Variants in NRXN1 observed in about 807,000 individuals in gnomAD.
The protein encoded by NRXN1 is neurexin-1.
NRXN1 carries 39 observed loss-of-function variants against 150.9 expected under a neutral mutation model. That is an observed-to-expected ratio of 0.26 (90% confidence interval 0.20 to 0.34). The LOEUF is 0.34. Ranked by LOEUF, NRXN1 falls within the 10% of genes least tolerant of loss-of-function variation. The pLI, the probability that NRXN1 is intolerant of heterozygous loss-of-function variation, is 1.00. For missense variants in NRXN1, 1,815 were observed against 1,949.9 expected (o/e 0.93, Z 1.30); for synonymous variants, 924 against 757.0 (o/e 1.22, Z -3.62).
chr2:50,018,399 A>C (rs1014193253), intron 21 of NRXN1, among the ~76,000 whole-genome samples: 1 of 152,200 alleles, frequency 6.6e-6, no homozygotes, highest in Non-Finnish European at 1.5e-5. Context: ...GACTTCTTTT[A>C]GAATGGGGGA....
chr2:49,927,840 G>C (rs1240381751), intron 22 of NRXN1, among the ~76,000 whole-genome samples: 1 of 152,008 alleles, frequency 6.6e-6, no homozygotes, highest in Non-Finnish European at 1.5e-5. Context: ...TTGTATACTT[G>C]AATGAGCTGT....
At chr2:50,370,087 T>C (rs970681538) in intron 17 of NRXN1, among the ~76,000 whole-genome samples, 5 of 152,070 alleles carry the variant, frequency 3.3e-5, no homozygotes, top group African/African-American at 1.2e-4. Context: ...CTATACTCTC[T>C]TCAGTTGTTT....
intron 5 of NRXN1, among the ~76,000 whole-genome samples, chr2:50,677,647 T>A (rs1023753691): frequency 3.9e-5 from 6 of 152,152 alleles, no homozygotes; most frequent in African/African-American, 9.7e-5. Flanking sequence ...CTTCTGGGAA[T>A]GTATTCTCTA....
At chr2:50,647,154 T>C (rs1301318099) in intron 5 of NRXN1, among the ~76,000 whole-genome samples, 2 of 151,864 alleles carry the variant, frequency 1.3e-5, no homozygotes, top group African/African-American at 4.8e-5. Flanking sequence ...ATTTTAGACT[T>C]GTTGTTTAGG....
chr2:50,128,909 G>A (rs1705026586), intron 18 of NRXN1, among the ~76,000 whole-genome samples: 1 of 149,420 alleles, frequency 6.7e-6, no homozygotes, highest in Non-Finnish European at 1.5e-5. Context: ...CTTGAACCTG[G>A]GAGGTGCAGG....
At chr2:50,827,997 G>T (rs1407793096) in intron 5 of NRXN1, among the ~76,000 whole-genome samples, 1 of 147,676 alleles carries the variant, frequency 6.8e-6, no homozygotes, top group African/African-American at 2.5e-5. Flanking sequence ...AGTCTCCCAC[G>T]TCTACTTCTT....
At chr2:50,842,357 G>A (rs1673000502) in intron 5 of NRXN1, among the ~76,000 whole-genome samples, 1 of 152,126 alleles carries the variant, frequency 6.6e-6, no homozygotes, top group African/African-American at 2.4e-5. Flanking sequence ...TGTGTCTTAG[G>A]CAATTTCTTA....
In NRXN1 at chr2:50,673,474, C is replaced by T. The variant is rs182422038; in HGVS notation, c.833-49859G>A. Reference sequence around the variant, plus strand: ...TTCAGGTAGAAACAAATGTAAAAACCCAATGATTCCCCCATTCTATGCAGA... The same window carrying T: ...TTCAGGTAGAAACAAATGTAAAAACTCAATGATTCCCCCATTCTATGCAGA... On this transcript the variant is annotated intron_variant, in intron 5 of 22. Coordinates refer to ENST00000401669, the MANE Select transcript of NRXN1 (RefSeq NM_001330078.2). 2.3e-3 allele frequency among the ~76,000 whole-genome samples: 357 copies of T among 151,932 alleles called. 2 individuals are homozygous for T. The highest frequency in any genetic ancestry group is 8.0e-3 in the African/African-American group (333 of 41,462).
At chr2:50,049,651 C>T (rs930104786) in intron 21 of NRXN1, among the ~76,000 whole-genome samples, 9 of 152,068 alleles carry the variant, frequency 5.9e-5, no homozygotes, top group Admixed American at 4.6e-4. Flanking sequence ...CAAGCTTGAT[C>T]GTAAAAGAAA....
At chr2:50,629,230 A>G (rs1418945016) in intron 5 of NRXN1, among the ~76,000 whole-genome samples, 1 of 151,748 alleles carries the variant, frequency 6.6e-6, no homozygotes, top group African/African-American at 2.4e-5. Context: ...ATAACAACCA[A>G]TAATAGAATG....
At chr2:49,988,451 G>C (rs1452269046) in intron 21 of NRXN1, among the ~76,000 whole-genome samples, 1 of 152,026 alleles carries the variant, frequency 6.6e-6, no homozygotes, top group Non-Finnish European at 1.5e-5. Flanking sequence ...TGAGTCATAG[G>C]ACAGCAGATA....
At chr2:49,967,642 A>G (rs1402066793) in intron 21 of NRXN1, among the ~76,000 whole-genome samples, 2 of 152,126 alleles carry the variant, frequency 1.3e-5, no homozygotes, top group African/African-American at 2.4e-5. Context: ...AAAGTACTGC[A>G]AAGAGTAGAT....
chr2:50,569,934 G>A (rs554693598), intron 8 of NRXN1, among the ~76,000 whole-genome samples: 1 of 152,246 alleles, frequency 6.6e-6, no homozygotes, highest in South Asian at 2.1e-4. Context: ...TTATAAAAAA[G>A]ATTAAAGAAT....
intron 21 of NRXN1, among the ~76,000 whole-genome samples, chr2:49,949,380 G>A (rs1050953029): frequency 6.6e-6 from 1 of 151,894 alleles, no homozygotes; most frequent in Non-Finnish European, 1.5e-5. Context: ...CTGCATATCT[G>A]TGTGGTAAAA....
intron 17 of NRXN1, among the ~76,000 whole-genome samples, chr2:50,406,955 C>G (rs926822049): frequency 1.3e-5 from 2 of 152,244 alleles, no homozygotes; most frequent in East Asian, 3.9e-4. Flanking sequence ...AACCTCAACT[C>G]ACAGCTTCAA....
intron 5 of NRXN1, among the ~76,000 whole-genome samples, chr2:50,724,911 CAAACAAAT>C (rs1697141604): frequency 6.6e-6 from 1 of 151,078 alleles, no homozygotes; most frequent in African/African-American, 2.4e-5. Flanking sequence ...AAACAAAAAA[CAAACAAAT>C]AAACAAAAAA....
At chr2:50,784,380 GT>G (rs1423434656) in intron 5 of NRXN1, among the ~76,000 whole-genome samples, 2 of 152,022 alleles carry the variant, frequency 1.3e-5, no homozygotes, top group Non-Finnish European at 2.9e-5. Flanking sequence ...CCAGGGACAA[GT>G]TGTCTTGAAG....
intron 5 of NRXN1, among the ~76,000 whole-genome samples, chr2:50,811,010 T>C (rs909703874): frequency 6.6e-6 from 1 of 151,678 alleles, no homozygotes; most frequent in South Asian, 2.1e-4. Flanking sequence ...AATTTGAAAA[T>C]ATTCATAAAG....
At chr2:50,713,174 C>A (rs1195499380) in intron 5 of NRXN1, among the ~76,000 whole-genome samples, 2 of 151,746 alleles carry the variant, frequency 1.3e-5, no homozygotes. Flanking sequence ...ATTATTCAGG[C>A]GTGGTGGCGC....
Sources: gnomAD v4.1 joint callset for allele counts (sites outside exome capture counted in the v4.1 genomes callset) on GRCh38, gnomAD v4.1.1 for gene constraint, MANE v1.5 for transcripts, NCBI Gene and HGNC (gene_info 2026-07-23, HGNC 2026-07-21) for gene names.